The following GMDS variants were observed in gnomAD, a reference collection of about 807,000 sequenced individuals.
GMDS encodes GDP-mannose 4,6 dehydratase.
A neutral mutation model predicts 49.9 loss-of-function variants in GMDS; 20 were observed. The observed-to-expected ratio is 0.40, with a 90% CI of 0.28 to 0.58. The LOEUF is 0.58. GMDS is among the 20% of genes least tolerant of loss of function. The pLI is 0.42. For synonymous variants in GMDS, 177 were observed against 178.6 expected (o/e 0.99, Z 0.07); for missense variants, 362 against 481.4 (o/e 0.75, Z 2.32).
intron 1 of GMDS, among the ~76,000 whole-genome samples, chr6:2,184,050 T>C (rs888087919): frequency 1.3e-5 from 2 of 152,204 alleles, no homozygotes; most frequent in East Asian, 1.9e-4. Flanking sequence ...TACATATTCA[T>C]GTGACTCATT....
intron 4 of GMDS, among the ~76,000 whole-genome samples, chr6:1,968,201 C>T (rs186986603): frequency 1.9e-4 from 29 of 152,222 alleles, no homozygotes; most frequent in Middle Eastern, 3.4e-3. Context: ...AAGATAAATG[C>T]CACTATTCAC....
chr6:2,105,018 C>T (rs1251678900), intron 4 of GMDS, among the ~76,000 whole-genome samples: 3 of 151,062 alleles, frequency 2.0e-5, no homozygotes, highest in Non-Finnish European at 4.4e-5. Flanking sequence ...CCGTCTCTAC[C>T]AAAAACACAA....
chr6:1,647,521 G>A (rs1763523721), intron 9 of GMDS, among the ~76,000 whole-genome samples: 1 of 152,210 alleles, frequency 6.6e-6, no homozygotes, highest in Admixed American at 6.5e-5. Context: ...TCTCTCAAGA[G>A]ATATATTTTG....
intron 7 of GMDS, among the ~76,000 whole-genome samples, chr6:1,846,999 G>C (rs939456436): frequency 4.6e-5 from 7 of 152,192 alleles, no homozygotes; most frequent in African/African-American, 1.7e-4. Context: ...TGACCTTTCA[G>C]ATGTATTGAA....
At chr6:1,738,535 C>G (rs1203075029) in intron 8 of GMDS, among the ~76,000 whole-genome samples, 1 of 152,090 alleles carries the variant, frequency 6.6e-6, no homozygotes, top group African/African-American at 2.4e-5. Context: ...AAAACGATAA[C>G]AAAAATGGGA....
At chr6:2,022,245 A>G (rs1768320932) in intron 4 of GMDS, among the ~76,000 whole-genome samples, 1 of 149,312 alleles carries the variant, frequency 6.7e-6, no homozygotes, top group Admixed American at 6.8e-5. Context: ...AAAAATTTAA[A>G]GCAAATATAT....
At chr6:2,235,162 C>G (rs747261543) in intron 1 of GMDS, among the ~76,000 whole-genome samples, 26 of 152,080 alleles carry the variant, frequency 1.7e-4, no homozygotes, top group Non-Finnish European at 3.2e-4. Context: ...AGTGATGATA[C>G]GTGTACACAA....
intron 1 of GMDS, among the ~76,000 whole-genome samples, chr6:2,198,731 T>G (rs964464998): frequency 6.6e-6 from 1 of 152,206 alleles, no homozygotes; most frequent in African/African-American, 2.4e-5. Context: ...CTATACCACA[T>G]CAGACTTCTC....
intron 4 of GMDS, among the ~76,000 whole-genome samples, chr6:1,983,921 G>GT (rs1485189970): frequency 5.9e-5 from 9 of 152,122 alleles, no homozygotes; most frequent in Non-Finnish European, 8.8e-5. Context: ...ACATGCATGC[G>GT]TATGTTCAGT....
In GMDS at chr6:1,635,748, T is replaced by G. The variant is rs1763126114; in HGVS notation, c.988-11208A>C. On this transcript the variant is annotated intron_variant, in intron 9 of 10. Transcript: ENST00000380815. The surrounding 1 kb of genome is among the most constrained non-coding windows in gnomAD (Gnocchi z 4.7). ...CAACTTGCCTAAAATGATACTGCGG[T>G]GGATGTGAAGGCGCTTTGGAAAAGA... Among the ~76,000 whole-genome samples the G allele has an allele frequency of 6.6e-6, 1 of 152,134 alleles. No individual in the cohort carries two copies. The highest frequency in any genetic ancestry group is 1.5e-5 in the Non-Finnish European group (1 of 68,010).
At chr6:2,092,810 C>G (rs1385003617) in intron 4 of GMDS, among the ~76,000 whole-genome samples, 1 of 151,950 alleles carries the variant, frequency 6.6e-6, no homozygotes, top group Admixed American at 6.5e-5. Context: ...AAAATTCATG[C>G]AAAAACTCCA....
intron 4 of GMDS, among the ~76,000 whole-genome samples, chr6:2,101,652 T>A (rs954855804): frequency 6.6e-6 from 1 of 152,062 alleles, no homozygotes; most frequent in Non-Finnish European, 1.5e-5. Flanking sequence ...TATGTGTTTA[T>A]CTAAAATAAA....
At chr6:1,709,499 AG>A (rs1765872777) in intron 9 of GMDS, among the ~76,000 whole-genome samples, 1 of 152,322 alleles carries the variant, frequency 6.6e-6, no homozygotes, top group African/African-American at 2.4e-5. Flanking sequence ...AGTGACAATG[AG>A]GCTCTGTGCT....
chr6:2,015,719 AC>A, intron 4 of GMDS, among the ~76,000 whole-genome samples: 1 of 152,238 alleles, frequency 6.6e-6, no homozygotes, highest in East Asian at 1.9e-4. Flanking sequence ...AAATCCAACT[AC>A]TATGAATTGG....
chr6:1,653,310 T>C (rs1364013083), intron 9 of GMDS, among the ~76,000 whole-genome samples: 3 of 152,328 alleles, frequency 2.0e-5, no homozygotes, highest in African/African-American at 7.2e-5. Flanking sequence ...CACCAATAAA[T>C]GCAAAGACAA....
chr6:2,061,354 G>A (rs1409440792), intron 4 of GMDS, among the ~76,000 whole-genome samples: 1 of 152,092 alleles, frequency 6.6e-6, no homozygotes, highest in East Asian at 1.9e-4. Flanking sequence ...GAAAAAAAGA[G>A]GAAAGCATTT....
intron 7 of GMDS, among the ~76,000 whole-genome samples, chr6:1,850,557 C>T (rs1410061086): frequency 1.3e-5 from 2 of 152,004 alleles, no homozygotes; most frequent in East Asian, 3.8e-4. Context: ...GCTATTTCCT[C>T]AAATTGGGTG....
intron 1 of GMDS, among the ~76,000 whole-genome samples, chr6:2,184,725 A>T (rs1028343164): frequency 6.6e-6 from 1 of 152,230 alleles, no homozygotes; most frequent in Admixed American, 6.5e-5. Flanking sequence ...ATGTAACTTT[A>T]AAAACATATA....
rs142177772 is a variant in GMDS, at chr6:2,198,280, C to T, written c.102+47041G>A. ...TATGCCTGTACACATTATACAGATACATGTAATTCCTGAAGAAGGGGCTGC... is the reference window on the plus strand; with the variant it reads ...TATGCCTGTACACATTATACAGATATATGTAATTCCTGAAGAAGGGGCTGC... On this transcript the variant is annotated intron_variant, in intron 1 of 10. Transcript: ENST00000380815. 9.7e-4 allele frequency among the ~76,000 whole-genome samples: 147 copies of T among 152,282 alleles called. 1 individual carries two copies. Among genetic ancestry groups the T allele is most frequent in the African/African-American group, 3.2e-3 (132 of 41,546 alleles).
Sources: gnomAD v4.1 joint callset for allele counts (sites outside exome capture counted in the v4.1 genomes callset) on GRCh38, gnomAD v4.1.1 for gene constraint, Gnocchi (gnomAD v3.1) non-coding constraint, MANE v1.5 for transcripts, NCBI Gene and HGNC (gene_info 2026-07-23, HGNC 2026-07-21) for gene names.